KDM1A: variants seen among roughly 807,000 people sequenced by gnomAD.
KDM1A encodes the protein lysine-specific histone demethylase 1A.
In KDM1A, 49 loss-of-function variants were observed where a neutral mutation model predicts 109.4. That is an observed-to-expected ratio of 0.45 (90% confidence interval 0.36 to 0.57). The LOEUF is 0.57. KDM1A is among the 20% of genes least tolerant of loss of function. KDM1A has a pLI of 0.00. For synonymous variants in KDM1A, 380 were observed against 415.4 expected (o/e 0.91, Z 1.04); for missense variants, 668 against 1,116.6 (o/e 0.60, Z 5.73).
At chr1:23,039,729 A>G (rs928366770) in intron 2 of KDM1A, among the ~76,000 whole-genome samples, 7 of 152,206 alleles carry the variant, frequency 4.6e-5, no homozygotes, top group African/African-American at 1.7e-4. Flanking sequence ...ACTGCCTCGC[A>G]GTCTATCCAG....
chr1:23,081,185 T>C, intron 18 of KDM1A: 1 of 401,886 alleles, frequency 2.5e-6, no homozygotes, highest in Non-Finnish European at 4.5e-6. Context: ...TCAGAACTGC[T>C]GTATTTTGCC....
chr1:23,069,257 G>C (rs897556835), intron 12 of KDM1A, 106 bp downstream of exon 12: 9 of 650,196 alleles, frequency 1.4e-5, no homozygotes, highest in Non-Finnish European at 1.6e-5. Context: ...GGAAGAGAAA[G>C]TCTGCACAGC....
chr1:23,060,220 A>T (rs1479179017), intron 9 of KDM1A, among the ~76,000 whole-genome samples: 2 of 152,190 alleles, frequency 1.3e-5, no homozygotes, highest in African/African-American at 4.8e-5. Context: ...CTCTACCAAG[A>T]TCTGTAAAGG....
At chr1:23,060,536 C>T (rs1048815458) in intron 9 of KDM1A, among the ~76,000 whole-genome samples, 11 of 152,148 alleles carry the variant, frequency 7.2e-5, no homozygotes, top group Admixed American at 6.5e-4. Flanking sequence ...ACCAAGGTGG[C>T]AAGAGGGTGT....
intron 18 of KDM1A, among the ~76,000 whole-genome samples, chr1:23,080,245 T>C (rs1001495754): frequency 1.3e-5 from 2 of 152,150 alleles, no homozygotes; most frequent in Non-Finnish European, 2.9e-5. Flanking sequence ...CACTGCCCAG[T>C]GGTGAATGGT....
chr1:23,060,664 G>A (rs577888525), intron 9 of KDM1A, among the ~76,000 whole-genome samples: 22 of 152,260 alleles, frequency 1.4e-4, no homozygotes, highest in African/African-American at 5.1e-4. Flanking sequence ...GGCAGAGGAG[G>A]TTTAAGTCTT....
At chr1:23,061,596 G>A (rs1294003368) in intron 9 of KDM1A, among the ~76,000 whole-genome samples, 1 of 151,542 alleles carries the variant, frequency 6.6e-6, no homozygotes, top group Non-Finnish European at 1.5e-5. Context: ...TAATATTTCT[G>A]TACTGCTGTC....
At chr1:23,070,376 C>T (rs1323119565) in intron 12 of KDM1A, among the ~76,000 whole-genome samples, 1 of 151,790 alleles carries the variant, frequency 6.6e-6, no homozygotes, top group Non-Finnish European at 1.5e-5. Context: ...GAGGCTGAGG[C>T]ATGAGAATCA....
chr1:23,050,298 G>C, intron 3 of KDM1A, 89 bp from the exon 4 acceptor site: 1 of 1,392,886 alleles, frequency 7.2e-7, no homozygotes, highest in Middle Eastern at 1.9e-4. Context: ...AGGTCAGTCT[G>C]TGAGTGAGGC....
At chr1:23,028,132 A>C (rs551387041) in intron 1 of KDM1A, among the ~76,000 whole-genome samples, 4 of 152,270 alleles carry the variant, frequency 2.6e-5, no homozygotes, top group African/African-American at 7.2e-5. Context: ...ATTGTTTTTG[A>C]TGCAAAACTT....
At chr1:23,033,934 A>G (rs929298313) in intron 2 of KDM1A, among the ~76,000 whole-genome samples, 1 of 152,198 alleles carries the variant, frequency 6.6e-6, no homozygotes, top group African/African-American at 2.4e-5. Flanking sequence ...GATTGGAGAG[A>G]TAATTTAGGC....
chr1:23,071,344 G>A lies in KDM1A; in HGVS notation c.1533G>A (p.Leu511=), dbSNP rs1386933645. Residue 511 remains leucine, a synonymous_variant, in exon 13 of 21, where the codon CTG becomes CTA. Transcript: ENST00000400181. ...TAGTGAAAAGCAAACACAGGGATCTGACCGCCCTATGCAAGGTGTGGTATA... is the reference window on the plus strand; with the variant it reads ...TAGTGAAAAGCAAACACAGGGATCTAACCGCCCTATGCAAGGTGTGGTATA... ...EFLVKSKHRD[L]TALCKEYDEL... The A allele has an allele frequency of 1.9e-6, 3 of 1,611,176 alleles. No individual in the cohort carries two copies. The highest frequency in any genetic ancestry group is 2.5e-6 in the Non-Finnish European group (3 of 1,179,202).
At chr1:23,043,140 T>C (rs996909913) in intron 2 of KDM1A, among the ~76,000 whole-genome samples, 6 of 152,250 alleles carry the variant, frequency 3.9e-5, no homozygotes, top group African/African-American at 1.4e-4. Context: ...ATGTAGGACC[T>C]ATATTTTCAA....
At chr1:23,056,939 G>C (rs1256591683) in intron 7 of KDM1A, among the ~76,000 whole-genome samples, 1 of 151,898 alleles carries the variant, frequency 6.6e-6, no homozygotes, top group Non-Finnish European at 1.5e-5. Context: ...AGGGATAAAA[G>C]GTATTGTGAA....
In KDM1A at chr1:23,057,484, G is replaced by C; in HGVS notation, c.991G>C (p.Asp331His). 6.2e-7 allele frequency: 1 copy of C among 1,613,518 alleles called. No individual in the cohort carries two copies. Among genetic ancestry groups the C allele is most frequent in the Non-Finnish European group, 8.5e-7 (1 of 1,179,570 alleles). The stretch of plus-strand genomic sequence containing the variant: ...TTTGGCTACTTAATTTCTGAAACAG[G>C]ATCGTGTGGGTGGACGAGTTGCCAC... Reference protein sequence around the residue: ...GMDVTLLEARDRVGGRVATFR... With the variant: ...GMDVTLLEARHRVGGRVATFR... Residue 331 changes from aspartate to histidine, a missense_variant and splice_region_variant, in exon 8 of 21, where the codon GAT becomes CAT. By Grantham distance (81) the Asp-to-His change is moderately conservative. This residue lies in a region of KDM1A where 53 missense variants were observed against 122.5 expected (regional missense o/e 0.43). Coordinates refer to ENST00000400181, the MANE Select transcript of KDM1A (RefSeq NM_001009999.3).
intron 12 of KDM1A, among the ~76,000 whole-genome samples, chr1:23,069,993 G>A (rs1346845100): frequency 5.3e-5 from 8 of 152,218 alleles, no homozygotes; most frequent in African/African-American, 1.4e-4. Flanking sequence ...TCTTCATCCT[G>A]TCTAATGAAG....
intron 2 of KDM1A, among the ~76,000 whole-genome samples, chr1:23,036,907 G>T (rs750386643): frequency 4.6e-5 from 7 of 152,074 alleles, no homozygotes; most frequent in Admixed American, 1.3e-4. Context: ...ATTATTGTAC[G>T]ATGATAATTA....
intron 5 of KDM1A, 70 bp from the exon 6 acceptor site, chr1:23,054,999 G>T: frequency 2.1e-6 from 2 of 941,212 alleles, no homozygotes; most frequent in Admixed American, 2.2e-5. Flanking sequence ...ATGGAGAAAT[G>T]GAAGAGTTAG....
chr1:23,081,626 T>C, intron 19 of KDM1A, 53 bp downstream of exon 19: 1 of 1,596,606 alleles, frequency 6.3e-7, no homozygotes, highest in Admixed American at 1.7e-5. Flanking sequence ...TCAACCAGGG[T>C]TTAATGTATT....
Sources: allele counts gnomAD v4.1 joint callset (sites outside exome capture counted in the v4.1 genomes callset), GRCh38; gene constraint gnomAD v4.1.1; regional missense constraint gnomAD v4.1.1; transcripts MANE v1.5; gene names NCBI Gene and HGNC (gene_info 2026-07-23, HGNC 2026-07-21).